The following RBFOX1 variants were observed in gnomAD, a reference collection of about 807,000 sequenced individuals.
The protein encoded by RBFOX1 is RNA binding fox-1 homolog 1.
RBFOX1 carries 8 observed loss-of-function variants against 57.7 expected under a neutral mutation model. The ratio of observed to expected loss-of-function variants is 0.14; its 90% CI spans 0.08 to 0.25. RBFOX1 has a LOEUF of 0.25. RBFOX1 is among the 10% of genes least tolerant of loss of function. The pLI is 1.00. For synonymous variants in RBFOX1, 326 were observed against 222.4 expected (o/e 1.47, Z -4.15); for missense variants, 611 against 548.5 (o/e 1.11, Z -1.14).
intron 3 of RBFOX1, among the ~76,000 whole-genome samples, chr16:6,884,463 T>G (rs1378575822): frequency 6.6e-6 from 1 of 152,216 alleles, no homozygotes; most frequent in Non-Finnish European, 1.5e-5. Context: ...GTATTCTTAT[T>G]ATTAGTGGCT....
At chr16:5,499,253 T>A (rs917420617) in intron 2 of RBFOX1, among the ~76,000 whole-genome samples, 1 of 152,186 alleles carries the variant, frequency 6.6e-6, no homozygotes, top group Admixed American at 6.5e-5. Context: ...TCTGTCTTAT[T>A]TTGGGTAGAA....
intron 1 of RBFOX1, among the ~76,000 whole-genome samples, chr16:6,244,644 G>T (rs1184319496): frequency 6.6e-6 from 1 of 152,098 alleles, no homozygotes; most frequent in Non-Finnish European, 1.5e-5. Flanking sequence ...CGAGTAGCTG[G>T]GATTACAGGC....
At chr16:6,909,980 A>G (rs1459280423) in intron 3 of RBFOX1, among the ~76,000 whole-genome samples, 5 of 152,014 alleles carry the variant, frequency 3.3e-5, no homozygotes, top group Admixed American at 3.3e-4. Flanking sequence ...CTCCTCAGGC[A>G]GATCTCTCTT....
intron 1 of RBFOX1, among the ~76,000 whole-genome samples, chr16:5,459,409 G>A (rs2068723823): frequency 6.6e-6 from 1 of 152,102 alleles, no homozygotes; most frequent in African/African-American, 2.4e-5. Flanking sequence ...AAGACCCTTA[G>A]CACTTTGCTA....
At chr16:5,913,455 G>C (rs1438939487) in intron 4 of RBFOX1, among the ~76,000 whole-genome samples, 1 of 152,168 alleles carries the variant, frequency 6.6e-6, no homozygotes, top group African/African-American at 2.4e-5. Flanking sequence ...TCAAGTCAGA[G>C]CTGGCTGTTT....
At chr16:6,478,669 G>A (rs2095323340) in intron 2 of RBFOX1, among the ~76,000 whole-genome samples, 1 of 151,564 alleles carries the variant, frequency 6.6e-6, no homozygotes, top group African/African-American at 2.4e-5. Context: ...GCTATTGTAA[G>A]GTTATTTATT....
At chr16:7,046,495 G>A (rs6500904) in intron 3 of RBFOX1, among the ~76,000 whole-genome samples, 1 of 151,868 alleles carries the variant, frequency 6.6e-6, no homozygotes, top group Non-Finnish European at 1.5e-5. Flanking sequence ...AGTTCAATAC[G>A]TTAAATATAT....
chr16:7,464,724 T>G (rs2060190114), intron 4 of RBFOX1, among the ~76,000 whole-genome samples: 1 of 138,358 alleles, frequency 7.2e-6, no homozygotes, highest in Non-Finnish European at 1.5e-5. Flanking sequence ...TGAGACAGAG[T>G]CTTGCTCTGT....
In RBFOX1 at chr16:6,818,283, C is replaced by A. The variant is rs372739598; in HGVS notation, c.-16+163633C>A. 3.3e-5 allele frequency among the ~76,000 whole-genome samples: 5 copies of A among 151,972 alleles called. No individual in the cohort carries two copies. In the East Asian group the frequency reaches 9.8e-4, roughly 30 times the overall value. On this transcript the variant is annotated intron_variant, in intron 3 of 15. Coordinates refer to ENST00000550418, the MANE Select transcript of RBFOX1 (RefSeq NM_018723.4). ...TAGGTGCTTGTGTAGCTGGATTCAC[C>A]TGTGTGTGCGTCTTTCATTACTATG...
In RBFOX1 at chr16:6,833,141, GTATTT is replaced by G. The variant is rs572398164; in HGVS notation, c.-16+178513_-16+178517del. Among the ~76,000 whole-genome samples the G allele has an allele frequency of 8.4e-4, 127 of 150,876 alleles. 1 individual carries two copies. Among genetic ancestry groups the G allele is most frequent in the African/African-American group, 2.8e-3 (114 of 41,110 alleles). On this transcript the variant is annotated intron_variant, in intron 3 of 15. Coordinates refer to ENST00000550418, the MANE Select transcript of RBFOX1 (RefSeq NM_018723.4). ...GCACTTTCCTTTTTTTTCAAGTCTTGTATTTTATTTTATTTTATTTTATTTTTATT... is the reference window on the plus strand; with the variant it reads ...GCACTTTCCTTTTTTTTCAAGTCTTGTATTTTATTTTATTTTATTTTTATT...
At position 6,055,588 on chromosome 16, in the gene RBFOX1, G is replaced by A. The variant is rs1476261229; in HGVS notation, c.-127+35596G>A. ...AGCTTGGGCAACAGAGTGAGACTCCGTCAAAAAAAAAAAAAAAAAAAAAAA... is the reference window on the plus strand; with the variant it reads ...AGCTTGGGCAACAGAGTGAGACTCCATCAAAAAAAAAAAAAAAAAAAAAAA... On this transcript the variant is annotated intron_variant, in intron 1 of 15. Coordinates refer to ENST00000550418, the MANE Select transcript of RBFOX1 (RefSeq NM_018723.4). 4.2e-4 allele frequency among the ~76,000 whole-genome samples: 27 copies of A among 64,516 alleles called. 1 individual carries two copies. The highest frequency in any genetic ancestry group is 2.4e-4 in the Non-Finnish European group (8 of 33,088). The allele number at this position is 64,516 out of a possible 152,430, so 42.3% of individuals were successfully genotyped here.
At chr16:6,670,935 G>C (rs2098760588) in intron 3 of RBFOX1, among the ~76,000 whole-genome samples, 1 of 152,178 alleles carries the variant, frequency 6.6e-6, no homozygotes, top group South Asian at 2.1e-4. Context: ...AGGAGGCGGA[G>C]CTTGCAGCGA....
chr16:5,926,641 C>T (rs1007056913), intron 4 of RBFOX1, among the ~76,000 whole-genome samples: 4 of 152,146 alleles, frequency 2.6e-5, no homozygotes, highest in Non-Finnish European at 5.9e-5. Context: ...TTTATTTTTG[C>T]AATGCCTGGA....
intron 1 of RBFOX1, among the ~76,000 whole-genome samples, chr16:6,167,036 G>A (rs2096923114): frequency 6.6e-6 from 1 of 152,150 alleles, no homozygotes; most frequent in Non-Finnish European, 1.5e-5. Context: ...GCCTCCCAAA[G>A]TACTGGGATT....
chr16:6,687,230 A>G (rs556039727), intron 3 of RBFOX1, among the ~76,000 whole-genome samples: 15 of 152,270 alleles, frequency 9.9e-5, no homozygotes, highest in African/African-American at 3.4e-4. Context: ...GTAGGAGCTA[A>G]GCTATGACTC....
intron 2 of RBFOX1, among the ~76,000 whole-genome samples, chr16:5,471,863 C>G (rs964665803): frequency 6.6e-6 from 1 of 152,168 alleles, no homozygotes; most frequent in African/African-American, 2.4e-5. Context: ...GATTTATTAT[C>G]CTTGAAGGGG....
intron 2 of RBFOX1, among the ~76,000 whole-genome samples, chr16:6,566,821 G>T (rs1156282111): frequency 6.6e-6 from 1 of 152,140 alleles, no homozygotes; most frequent in Non-Finnish European, 1.5e-5. Context: ...GTTTTTATCT[G>T]CAGTAGCAGT....
intron 1 of RBFOX1, among the ~76,000 whole-genome samples, chr16:5,424,870 CTTTTTTTT>C: frequency 8.0e-6 from 1 of 125,042 alleles, no homozygotes; most frequent in Non-Finnish European, 1.7e-5. Flanking sequence ...TTCTTTCTTT[CTTTTTTTT>C]CTTTCTTTCT....
chr16:6,955,260 A>G (rs183704171), intron 3 of RBFOX1, among the ~76,000 whole-genome samples: 34 of 150,072 alleles, frequency 2.3e-4, no homozygotes, highest in Admixed American at 2.0e-3. Flanking sequence ...AAAGAAAAAA[A>G]GAAATTTAAT....
Sources: allele counts gnomAD v4.1 joint callset (sites outside exome capture counted in the v4.1 genomes callset), GRCh38; gene constraint gnomAD v4.1.1; transcripts MANE v1.5; gene names NCBI Gene and HGNC (gene_info 2026-07-23, HGNC 2026-07-21).